The following UNC13C variants were observed in gnomAD, a reference collection of about 807,000 sequenced individuals.
UNC13C encodes unc-13 homolog C, also known as protein unc-13 homolog C.
In UNC13C, 174 loss-of-function variants were observed where a neutral mutation model predicts 245.4. The ratio of observed to expected loss-of-function variants is 0.71; its 90% CI spans 0.63 to 0.80. The LOEUF (loss-of-function observed/expected upper bound fraction) is 0.80. Ranked by LOEUF, UNC13C falls within the 30% of genes least tolerant of loss-of-function variation. The pLI is 0.00. For synonymous variants in UNC13C, 992 were observed against 895.1 expected, an observed-to-expected ratio of 1.11 and a Z score of -1.93; for missense variants, 2,829 against 2,602.9, an observed-to-expected ratio of 1.09 and a Z score of -1.89.
the UNC13C span, among the ~76,000 whole-genome samples, chr15:53,900,017 A>G: frequency 2.6e-5 from 4 of 152,178 alleles, no homozygotes; most frequent in Admixed American, 2.6e-4. Context: ...TTGTCATCAG[A>G]TTAGTATAAC....
intron 18 of UNC13C, among the ~76,000 whole-genome samples, chr15:54,412,106 T>C (rs2040427304): frequency 6.6e-6 from 1 of 151,898 alleles, no homozygotes; most frequent in Non-Finnish European, 1.5e-5. Context: ...CTCGGGAGGC[T>C]GAGGCAAGAG....
intron 4 of UNC13C, among the ~76,000 whole-genome samples, chr15:54,201,656 G>A (rs1167589257): frequency 6.6e-6 from 1 of 151,734 alleles, no homozygotes; most frequent in Non-Finnish European, 1.5e-5. Flanking sequence ...TTATAGAAGG[G>A]ACATATGTTA....
the UNC13C span, among the ~76,000 whole-genome samples, chr15:53,857,856 C>A: frequency 1.3e-5 from 2 of 152,108 alleles, no homozygotes; most frequent in African/African-American, 2.4e-5. Flanking sequence ...ACTGAAAGTA[C>A]AATGGTGAGC....
At position 54,235,028 on chromosome 15, in the gene UNC13C, A is replaced by G. The variant is rs776060399; in HGVS notation, c.3072-2A>G. 1 of 1,613,466 alleles carries G rather than the reference A, an allele frequency of 6.2e-7. No homozygotes were observed. Among genetic ancestry groups the G allele is most frequent in the Non-Finnish European group, 8.5e-7 (1 of 1,179,646 alleles). On this transcript the variant is annotated splice_acceptor_variant, in intron 4 of 32. Coordinates refer to ENST00000260323, the MANE Select transcript of UNC13C (RefSeq NM_001080534.3). LOFTEE classifies it high-confidence loss of function. ...AATTATTGGTTTTATTTTGTCTTTC[A>G]GGGCTGGAGGTGGACTTTATGGTAT...
At chr15:53,905,430 A>ACG in the UNC13C span, among the ~76,000 whole-genome samples, 1 of 151,492 alleles carries the variant, frequency 6.6e-6, no homozygotes, top group Non-Finnish European at 1.5e-5. Flanking sequence ...ACACACACAC[A>ACG]CAATGGAATA....
chr15:53,939,791 A>G, the UNC13C span, among the ~76,000 whole-genome samples: 3 of 147,798 alleles, frequency 2.0e-5, no homozygotes, highest in Non-Finnish European at 4.5e-5. Flanking sequence ...TTGTCATTGT[A>G]AGGTCAGCCA....
At chr15:53,959,059 G>A in the UNC13C span, among the ~76,000 whole-genome samples, 2 of 152,090 alleles carry the variant, frequency 1.3e-5, no homozygotes, top group Admixed American at 6.6e-5. Context: ...TTGTCTTTCT[G>A]TGTCTCACTT....
chr15:54,483,816 T>C (rs1893259764), intron 19 of UNC13C, among the ~76,000 whole-genome samples: 1 of 152,238 alleles, frequency 6.6e-6, no homozygotes. Flanking sequence ...AAGGTTATTT[T>C]AATTGTGAGA....
chr15:54,086,821 C>T lies in UNC13C; in HGVS notation c.2984-56197C>T, dbSNP rs1009670816. 3.5e-5 allele frequency among the ~76,000 whole-genome samples: 5 copies of T among 142,800 alleles called. No homozygotes were observed. The East Asian group carries it at 6.6e-4, about 19-fold the overall frequency. The allele number at this position is 142,800 out of a possible 152,430, so 93.7% of individuals were successfully genotyped here. On this transcript the variant is annotated intron_variant, in intron 2 of 32. Coordinates refer to ENST00000260323, the MANE Select transcript of UNC13C (RefSeq NM_001080534.3). ...CGAGATCTCAGCTCACTGCAGCCTC[C>T]GCCCTCCAAGTTCAATGGATTCTCC...
rs764476327 is a variant in UNC13C, at chr15:54,555,415, C to T, written c.5878-17C>T. On this transcript the variant is annotated splice_polypyrimidine_tract_variant and intron_variant, in intron 28 of 32. Coordinates refer to ENST00000260323, the MANE Select transcript of UNC13C (RefSeq NM_001080534.3). The stretch of plus-strand genomic sequence containing the variant: ...TGAACTGGTTGTTTTATAAGCAATT[C>T]TTCACCTGTTTTCCAGGAGCACATG... 6.2e-7 allele frequency: 1 copy of T among 1,609,716 alleles called. No homozygotes were observed. Among genetic ancestry groups the T allele is most frequent in the East Asian group, 2.2e-5 (1 of 44,790 alleles).
chr15:54,203,079 C>T (rs993585102), intron 4 of UNC13C, among the ~76,000 whole-genome samples: 5 of 151,978 alleles, frequency 3.3e-5, no homozygotes, highest in Non-Finnish European at 5.9e-5. Flanking sequence ...TGGAAAGATG[C>T]CCAACATCAC....
At chr15:54,342,091 CAT>C (rs1487696943) in intron 17 of UNC13C, among the ~76,000 whole-genome samples, 1 of 152,040 alleles carries the variant, frequency 6.6e-6, no homozygotes, top group Non-Finnish European at 1.5e-5. Context: ...CGTATTTTCA[CAT>C]ATGATCAATG....
intron 4 of UNC13C, among the ~76,000 whole-genome samples, chr15:54,220,674 A>C (rs1294153115): frequency 6.6e-6 from 1 of 152,040 alleles, no homozygotes; most frequent in Admixed American, 6.6e-5. Context: ...AGCCAAGCAA[A>C]TGTTGTGAGT....
At chr15:54,129,994 G>A (rs1049999870) in intron 2 of UNC13C, among the ~76,000 whole-genome samples, 5 of 149,584 alleles carry the variant, frequency 3.3e-5, no homozygotes, top group Non-Finnish European at 4.4e-5. Context: ...AAAGTTTTAA[G>A]GTTATAACCT....
intron 7 of UNC13C, among the ~76,000 whole-genome samples, chr15:54,249,431 T>C (rs1255940019): frequency 6.6e-6 from 1 of 152,198 alleles, no homozygotes; most frequent in Non-Finnish European, 1.5e-5. Context: ...TGGCAGAACG[T>C]TTATTCATTA....
Position 54,038,099 on chromosome 15 carries a change from CATATAT to C in UNC13C, c.2983+22234_2983+22239del, listed in dbSNP as rs1399556197. ...ATATGTGTGTGTGTATATACATATA[CATATAT>C]ATATATATATATATATATATTTTTT... On this transcript the variant is annotated intron_variant, in intron 2 of 32. Coordinates refer to ENST00000260323, the MANE Select transcript of UNC13C (RefSeq NM_001080534.3). Among the ~76,000 whole-genome samples, 102 of 67,088 alleles carry C rather than the reference CATATAT, an allele frequency of 1.5e-3. 1 individual carries two copies. The highest frequency in any genetic ancestry group is 2.8e-3 in the African/African-American group (43 of 15,434). The allele number at this position is 67,088 out of a possible 152,430, so 44.0% of individuals were successfully genotyped here. A position where few individuals can be genotyped will look rare whatever the true frequency, so the allele number is the denominator to read the frequency against.
intron 17 of UNC13C, among the ~76,000 whole-genome samples, chr15:54,346,333 A>T (rs2038859475): frequency 6.6e-6 from 1 of 152,222 alleles, no homozygotes; most frequent in African/African-American, 2.4e-5. Context: ...CTGATATTAA[A>T]ACCCCTGAGT....
At chr15:53,978,252 G>A (rs747313844), upstream of UNC13C, among the ~76,000 whole-genome samples, 6 of 152,238 alleles carry the variant, frequency 3.9e-5, no homozygotes, top group Non-Finnish European at 7.3e-5. Context: ...CAGCGATGAA[G>A]CTGTGTCCCA....
intron 29 of UNC13C, among the ~76,000 whole-genome samples, chr15:54,565,327 T>C (rs1897463381): frequency 6.6e-6 from 1 of 151,912 alleles, no homozygotes. Context: ...ATGATACAGA[T>C]TTAATAAATA....
Sources: allele counts gnomAD v4.1 joint callset (sites outside exome capture counted in the v4.1 genomes callset), GRCh38; gene constraint gnomAD v4.1.1; transcripts MANE v1.5; gene names NCBI Gene and HGNC (gene_info 2026-07-23, HGNC 2026-07-21).